TIMM50: variants seen among roughly 807,000 people sequenced by gnomAD.
The protein encoded by TIMM50 is mitochondrial import inner membrane translocase subunit TIM50.
Under a neutral mutation model 49.6 loss-of-function variants are expected in TIMM50, and 34 were observed. The observed-to-expected ratio is 0.69, with a 90% CI of 0.52 to 0.91. The LOEUF is 0.91. Ranked by LOEUF, TIMM50 falls within the 40% of genes least tolerant of loss-of-function variation. The pLI, the probability that TIMM50 is intolerant of heterozygous loss-of-function variation, is 0.00. For missense variants in TIMM50, 458 were observed against 477.8 expected (o/e 0.96, Z 0.39); for synonymous variants, 199 against 198.4 (o/e 1.00, Z -0.03).
intron 2 of TIMM50, among the ~76,000 whole-genome samples, 194 bp from the exon 3 acceptor site, chr19:39,482,691 A>C (rs1339791532): frequency 6.6e-6 from 1 of 151,426 alleles, no homozygotes; most frequent in African/African-American, 2.4e-5. Context: ...ACAGACCCAA[A>C]AGACCTAGCC....
rs2079467916 is a variant in TIMM50, at chr19:39,481,076, C to T, written c.108+115C>T. ...TCACCTCAGGGTGCTGAATGAAACG[C>T]CGCTTGTGTTTTGGGGCCCTTCCCA... is the stretch of plus-strand genomic sequence containing the variant. On this transcript the variant is annotated intron_variant, in intron 1 of 10. Transcript: ENST00000607714. The T allele has an allele frequency of 1.1e-5, 15 of 1,331,142 alleles. No homozygotes were observed. The South Asian group carries it at 2.2e-4, about 19-fold the overall frequency. 82.5% of individuals were successfully genotyped at this position (1,331,142 alleles called of 1,614,324 possible). A position where few individuals can be genotyped will look rare whatever the true frequency, so the allele number is the denominator to read the frequency against.
intron 4 of TIMM50, chr19:39,485,071 C>G (rs1388029557): frequency 6.0e-6 from 1 of 166,804 alleles, no homozygotes; most frequent in Non-Finnish European, 1.3e-5. Context: ...ATTCTCTTGC[C>G]TCAGCCTCCC....
chr19:39,492,683 A>G lies in TIMM50; in HGVS notation c.*2863A>G, dbSNP rs902128507. Reference sequence around the variant, plus strand: ...GGAGTTCGAGACCAGCCTGGCCAACATGGTGAAACCCTGTCTCTACTAAAA... The same window carrying G: ...GGAGTTCGAGACCAGCCTGGCCAACGTGGTGAAACCCTGTCTCTACTAAAA... On this transcript the variant is annotated 3_prime_UTR_variant, in exon 11 of 11. Transcript: ENST00000607714. The G allele has an allele frequency of 6.6e-6, 1 of 151,820 alleles. No homozygotes were observed. The highest frequency in any genetic ancestry group is 1.5e-5 in the Non-Finnish European group (1 of 67,980). 9.4% of individuals were successfully genotyped at this position (151,820 alleles called of 1,614,324 possible).
At chr19:39,484,533 G>A (rs1213547927) in intron 4 of TIMM50, among the ~76,000 whole-genome samples, 1 of 152,120 alleles carries the variant, frequency 6.6e-6, no homozygotes, top group African/African-American at 2.4e-5. Context: ...GTGCATTGAA[G>A]GATTTTTGCA....
chr19:39,482,957 T>C (rs753860416), intron 3 of TIMM50, 41 bp downstream of exon 3: 16 of 1,613,922 alleles, frequency 9.9e-6, no homozygotes, highest in African/African-American at 1.3e-5. Flanking sequence ...GGAGTCCTAG[T>C]CTGTGGGTGA....
rs959610651 is a variant in TIMM50, at chr19:39,491,639, G to A, written c.*1819G>A. The A allele has an allele frequency of 2.6e-5, 4 of 151,214 alleles. No homozygotes were observed. The East Asian group carries it at 6.0e-4, about 23-fold the overall frequency. The allele number at this position is 151,214 out of a possible 1,614,324, so 9.4% of individuals were successfully genotyped here. A position where few individuals can be genotyped will look rare whatever the true frequency, so the allele number is the denominator to read the frequency against. On this transcript the variant is annotated 3_prime_UTR_variant, in exon 11 of 11. Transcript: ENST00000607714. ...GTACGAGACCACCCTGGGCAACATG[G>A]TGAAATCCTGCCTCTAAAAAAAAAA...
chr19:39,489,325 G>A (rs972967664), intron 10 of TIMM50, among the ~76,000 whole-genome samples: 2 of 152,068 alleles, frequency 1.3e-5, no homozygotes, highest in African/African-American at 2.4e-5. Context: ...TTCACCTTGG[G>A]GTAACAGGGT....
At position 39,491,987 on chromosome 19, in the gene TIMM50, G is replaced by C. The variant is rs1394243045; in HGVS notation, c.*2167G>C. 3 of 152,076 alleles carry C rather than the reference G, an allele frequency of 2.0e-5. No individual in the cohort carries two copies. Among genetic ancestry groups the C allele is most frequent in the Admixed American group, 1.3e-4 (2 of 15,248 alleles). The allele number at this position is 152,076 out of a possible 1,614,324, so 9.4% of individuals were successfully genotyped here. A position where few individuals can be genotyped will look rare whatever the true frequency, so the allele number is the denominator to read the frequency against. On this transcript the variant is annotated 3_prime_UTR_variant, in exon 11 of 11. Transcript: ENST00000607714. ...CTGCCTTGGCCTCCCCAAATGCTGA[G>C]ATTATAGGAGTGAGCCACTCTGCCC...
Position 39,489,804 on chromosome 19 carries a change from G to T in TIMM50, c.1046G>T (p.Arg349Leu). Residue 349 changes from arginine to leucine, a missense_variant, in exon 11 of 11, where the codon CGC (arginine) becomes CTC (leucine). Physicochemically the swap from Arg to Leu is moderately radical, Grantham distance 102 (BLOSUM62 -2). Coordinates refer to ENST00000607714, the MANE Select transcript of TIMM50 (RefSeq NM_001001563.5). ...LGSLTSRLWP[R>L]SKQP Reference sequence around the variant, plus strand: ...TCCCTCACCAGCCGCTTGTGGCCTCGCTCCAAACAGCCCTGAACTCTGGGC... The same window carrying T: ...TCCCTCACCAGCCGCTTGTGGCCTCTCTCCAAACAGCCCTGAACTCTGGGC... 1.2e-6 allele frequency: 2 copies of T among 1,608,966 alleles called. No individual in the cohort carries two copies. Among genetic ancestry groups the T allele is most frequent in the Non-Finnish European group, 1.7e-6 (2 of 1,178,014 alleles).
Position 39,483,140 on chromosome 19 carries a change from TG to T in TIMM50, c.298del (p.Asp100MetfsTer26). On this transcript the variant is annotated frameshift_variant, in exon 4 of 11. Coordinates refer to ENST00000607714, the MANE Select transcript of TIMM50 (RefSeq NM_001001563.5). LOFTEE classifies it high-confidence loss of function. ...TTTTTCTCTCTACCTCCCAGATTCC[TG>T]ATGAGTTCGACAATGGTGAGTAAAC... is the stretch of plus-strand genomic sequence containing the variant. ...PVDENGAKIP[D>X]EFDNDPILVQ... The T allele has an allele frequency of 6.2e-7, 1 of 1,614,174 alleles. No individual in the cohort carries two copies. Among genetic ancestry groups the T allele is most frequent in the Non-Finnish European group, 8.5e-7 (1 of 1,180,034 alleles).
At chr19:39,485,928 C>T in intron 6 of TIMM50, 121 bp downstream of exon 6, 1 of 1,432,892 alleles carries the variant, frequency 7.0e-7, no homozygotes, top group Non-Finnish European at 9.5e-7. Flanking sequence ...CTGTCATTGC[C>T]TCGCTTTCTT....
intron 4 of TIMM50, 88 bp downstream of exon 4, chr19:39,483,244 G>C (rs574646611): frequency 1.9e-5 from 29 of 1,560,344 alleles, no homozygotes; most frequent in Non-Finnish European, 2.4e-5. Flanking sequence ...TGGTGTCTCC[G>C]GCCCCTCCTC....
In TIMM50 at chr19:39,492,150, T is replaced by C. The variant is rs1381417500; in HGVS notation, c.*2330T>C. On this transcript the variant is annotated 3_prime_UTR_variant, in exon 11 of 11. Transcript: ENST00000607714. ...GGCTGGCTTGTGATCCTGTGCAAGT[T>C]ACTTTACCTCTCAGTGCCTCGGTTT... 1 of 152,176 alleles carries C rather than the reference T, an allele frequency of 6.6e-6. No homozygotes were observed. Among genetic ancestry groups the C allele is most frequent in the Non-Finnish European group, 1.5e-5 (1 of 68,060 alleles). 9.4% of individuals were successfully genotyped at this position (152,176 alleles called of 1,614,324 possible).
At chr19:39,484,955 T>G (rs2079494432) in intron 4 of TIMM50, 1 of 148,872 alleles carries the variant, frequency 6.7e-6, no homozygotes, top group Admixed American at 6.4e-5. Flanking sequence ...ATGTGGGTTT[T>G]GTTTTGTTTT....
chr19:39,485,476 C>G (rs1274996037), intron 4 of TIMM50, 68 bp from the exon 5 acceptor site: 1 of 1,596,040 alleles, frequency 6.3e-7, no homozygotes. Context: ...GATAAGAAAC[C>G]CCTGGTTTGT....
chr19:39,491,171 GT>G lies in TIMM50; in HGVS notation c.*1363del, dbSNP rs143394669. On this transcript the variant is annotated 3_prime_UTR_variant, in exon 11 of 11. Transcript: ENST00000607714. ...GTAGCCAGTGGCCACATAAACCTTT[GT>G]TTTTTTTTTTTGAGACGGAGTTTCG... is the stretch of plus-strand genomic sequence containing the variant. 0.34 allele frequency: 48,141 copies of G among 143,408 alleles called. 7,772 individuals carry two copies. Among genetic ancestry groups the G allele is most frequent in the East Asian group, 0.46 (2,169 of 4,712 alleles). 8.9% of individuals were successfully genotyped at this position (143,408 alleles called of 1,614,324 possible).
In TIMM50 at chr19:39,492,873, A is replaced by AAAAAAAAC. The variant is rs2079555027; in HGVS notation, c.*3060_*3061insCAAAAAAA. The stretch of plus-strand genomic sequence containing the variant: ...GCGACAGAGTAAGGCTCTGTCTCCA[A>AAAAAAAAC]AAAAAAAAAAAAAAAAAAACAAAAA... On this transcript the variant is annotated 3_prime_UTR_variant, in exon 11 of 11. Transcript: ENST00000607714. 1.5e-5 allele frequency: 2 copies of AAAAAAAAC among 134,564 alleles called. No homozygotes were observed. Among genetic ancestry groups the AAAAAAAAC allele is most frequent in the South Asian group, 4.5e-4 (2 of 4,482 alleles). 8.3% of individuals were successfully genotyped at this position (134,564 alleles called of 1,614,324 possible). A position where few individuals can be genotyped will look rare whatever the true frequency, so the allele number is the denominator to read the frequency against.
chr19:39,488,704 T>C, intron 10 of TIMM50, 59 bp downstream of exon 10: 5 of 1,401,994 alleles, frequency 3.6e-6, no homozygotes, highest in African/African-American at 1.4e-5. Flanking sequence ...AGGAGGAGCC[T>C]GGGGCAGTCC....
In TIMM50 at chr19:39,490,142, G is replaced by GAA. The variant is rs891305015; in HGVS notation, c.*323_*324insAA. Reference sequence around the variant, plus strand: ...AAAAATACATCTCCCTCTGACCACAGACTCCTCATCTGTGGAGAAGGGAAG... The same window carrying GAA: ...AAAAATACATCTCCCTCTGACCACAGAAACTCCTCATCTGTGGAGAAGGGAAG... On this transcript the variant is annotated 3_prime_UTR_variant, in exon 11 of 11. Coordinates refer to ENST00000607714, the MANE Select transcript of TIMM50 (RefSeq NM_001001563.5). 7.6e-5 allele frequency: 25 copies of GAA among 330,192 alleles called. No homozygotes were observed. In the Admixed American group the frequency reaches 9.6e-4, roughly 13 times the overall value. 20.5% of individuals were successfully genotyped at this position (330,192 alleles called of 1,614,324 possible).
Sources: gnomAD v4.1 joint callset for allele counts (sites outside exome capture counted in the v4.1 genomes callset) on GRCh38, gnomAD v4.1.1 for gene constraint, MANE v1.5 for transcripts, NCBI Gene and HGNC (gene_info 2026-07-23, HGNC 2026-07-21) for gene names.